AXDND1: variants seen among roughly 807,000 people sequenced by gnomAD.
AXDND1 encodes the protein axonemal dynein light chain domain-containing protein 1.
In AXDND1, 110 loss-of-function variants were observed where a neutral mutation model predicts 137.5. That is an observed-to-expected ratio of 0.80 (90% confidence interval 0.69 to 0.94). AXDND1 has a LOEUF of 0.94. Ranked by LOEUF, AXDND1 falls within the 40% of genes least tolerant of loss-of-function variation. The pLI is 0.00. For missense variants in AXDND1, 1,191 were observed against 1,169.8 expected (o/e 1.02, Z -0.26); for synonymous variants, 414 against 399.7 (o/e 1.04, Z -0.43).
chr1:179,541,852 TTAAA>T (rs1370287069), intron 25 of AXDND1, among the ~76,000 whole-genome samples: 9 of 152,142 alleles, frequency 5.9e-5, no homozygotes, highest in Admixed American at 1.3e-4. Flanking sequence ...TCATGAAAGA[TTAAA>T]TAAATCATGC....
At chr1:179,552,603 C>T in intron 25 of AXDND1, 1 of 1,612,684 alleles carries the variant, frequency 6.2e-7, no homozygotes, top group Non-Finnish European at 8.5e-7. Context: ...GAGTGCTCAC[C>T]CGCACTTTGG....
intron 21 of AXDND1, among the ~76,000 whole-genome samples, chr1:179,510,623 C>A (rs12131400): frequency 0.85 from 128,464 of 151,934 alleles, 55,002 homozygotes; most frequent in East Asian, 0.96. Flanking sequence ...GAAATACCAC[C>A]GACATGATCT....
At chr1:179,390,586 A>G (rs1484208997) in intron 9 of AXDND1, among the ~76,000 whole-genome samples, 2 of 152,236 alleles carry the variant, frequency 1.3e-5, no homozygotes, top group African/African-American at 2.4e-5. Context: ...TATGTAAGAC[A>G]TCGTTTCTAG....
intron 21 of AXDND1, among the ~76,000 whole-genome samples, chr1:179,513,776 T>C (rs757659708): frequency 2.3e-4 from 35 of 152,084 alleles, no homozygotes; most frequent in Non-Finnish European, 4.9e-4. Flanking sequence ...TCTAATTCTT[T>C]CTGAGTTAAG....
intron 12 of AXDND1, among the ~76,000 whole-genome samples, chr1:179,420,375 T>C (rs528730670): frequency 1.8e-4 from 28 of 152,330 alleles, no homozygotes; most frequent in African/African-American, 6.5e-4. Context: ...TACATCTGTG[T>C]TCATCCATGA....
chr1:179,526,715 A>AT (rs1264702122), intron 22 of AXDND1, among the ~76,000 whole-genome samples: 1 of 152,338 alleles, frequency 6.6e-6, no homozygotes, highest in East Asian at 1.9e-4. Flanking sequence ...TTCAATCAGC[A>AT]TTTTCTGTTT....
At chr1:179,478,529 G>C (rs1664911707) in intron 17 of AXDND1, among the ~76,000 whole-genome samples, 1 of 152,152 alleles carries the variant, frequency 6.6e-6, no homozygotes, top group South Asian at 2.1e-4. Context: ...TGGAGCAGCT[G>C]GGATGCAGGG....
intron 25 of AXDND1, among the ~76,000 whole-genome samples, chr1:179,548,340 G>A (rs1672836775): frequency 6.6e-6 from 1 of 152,178 alleles, no homozygotes; most frequent in African/African-American, 2.4e-5. Flanking sequence ...AACTCTGTGA[G>A]GTGGATCCTA....
intron 9 of AXDND1, among the ~76,000 whole-genome samples, chr1:179,389,985 G>A (rs12744438): frequency 0.29 from 44,022 of 151,352 alleles, 6,601 homozygotes; most frequent in Non-Finnish European, 0.31. Context: ...ACAAATCTAG[G>A]ACCTCAGGCT....
At chr1:179,546,999 T>C (rs1572237236) in intron 25 of AXDND1, among the ~76,000 whole-genome samples, 2 of 152,348 alleles carry the variant, frequency 1.3e-5, no homozygotes, top group Middle Eastern at 3.4e-3. Context: ...TGGAGGTCAA[T>C]GACCCAGATA....
chr1:179,386,889 T>A (rs1376540734), intron 9 of AXDND1, among the ~76,000 whole-genome samples: 1 of 152,016 alleles, frequency 6.6e-6, no homozygotes, highest in Non-Finnish European at 1.5e-5. Context: ...CACACCCAGC[T>A]AATTTTTTTG....
At chr1:179,427,221 T>C (rs1656708182) in intron 12 of AXDND1, among the ~76,000 whole-genome samples, 1 of 152,122 alleles carries the variant, frequency 6.6e-6, no homozygotes, top group South Asian at 2.1e-4. Context: ...TTAGTTTATA[T>C]ATGCACACAC....
intron 23 of AXDND1, 76 bp downstream of exon 23, chr1:179,528,507 T>C: frequency 1.0e-6 from 1 of 988,822 alleles, no homozygotes; most frequent in South Asian, 1.5e-5. Flanking sequence ...CTAACATAAC[T>C]TTTAGCTACT....
intron 4 of AXDND1, among the ~76,000 whole-genome samples, chr1:179,376,341 T>A (rs12121591): frequency 6.6e-6 from 1 of 152,288 alleles, no homozygotes; most frequent in African/African-American, 2.4e-5. Flanking sequence ...CAGAAACTCA[T>A]GTATATATAT....
intron 8 of AXDND1, 30 bp from the exon 9 acceptor site, chr1:179,385,208 G>T: frequency 6.3e-7 from 1 of 1,592,070 alleles, no homozygotes; most frequent in South Asian, 1.1e-5. Context: ...ACTGTAATAA[G>T]TACTGATTAT....
At chr1:179,456,416 A>C in intron 16 of AXDND1, 1 of 774,640 alleles carries the variant, frequency 1.3e-6, no homozygotes, top group Admixed American at 1.7e-5. Context: ...AGCTTCCACT[A>C]CCTCCAAAAC....
chr1:179,382,852 T>G (rs921669988), intron 7 of AXDND1, 96 bp downstream of exon 7: 3 of 975,122 alleles, frequency 3.1e-6, no homozygotes, highest in East Asian at 5.4e-5. Context: ...ATTAAAATTA[T>G]AGCAGCAACC....
chr1:179,467,819 T>G (rs1451749237), intron 16 of AXDND1, among the ~76,000 whole-genome samples: 1 of 152,236 alleles, frequency 6.6e-6, no homozygotes, highest in Non-Finnish European at 1.5e-5. Flanking sequence ...AGTTTCCTTT[T>G]AAATTACTTG....
At chr1:179,480,796 C>T (rs1010578992) in intron 17 of AXDND1, among the ~76,000 whole-genome samples, 44 of 152,098 alleles carry the variant, frequency 2.9e-4, no homozygotes, top group African/African-American at 1.1e-3. Context: ...TGCCCACTGT[C>T]ACCCTGCAGT....
Sources: gnomAD v4.1 joint callset for allele counts (sites outside exome capture counted in the v4.1 genomes callset) on GRCh38, gnomAD v4.1.1 for gene constraint, MANE v1.5 for transcripts, NCBI Gene and HGNC (gene_info 2026-07-23, HGNC 2026-07-21) for gene names.